The following LPP variants were observed in gnomAD, a reference collection of about 807,000 sequenced individuals.
The protein encoded by LPP is LIM domain containing preferred translocation partner in lipoma, also known as lipoma-preferred partner.
A neutral mutation model predicts 60.4 loss-of-function variants in LPP; 38 were observed. That is an observed-to-expected ratio of 0.63 (90% confidence interval 0.49 to 0.83). The LOEUF (loss-of-function observed/expected upper bound fraction) is 0.83, where lower values mean the gene tolerates loss of function less well. Among genes scored for constraint, LPP ranks in the 40% least tolerant of loss-of-function variants. LPP has a pLI of 0.00. For missense variants in LPP, 902 were observed against 783.6 expected, an observed-to-expected ratio of 1.15 and a Z score of -1.80; for synonymous variants, 328 against 290.8, an observed-to-expected ratio of 1.13 and a Z score of -1.30.
At chr3:188,420,053 T>C (rs551223453) in intron 4 of LPP, among the ~76,000 whole-genome samples, 186 of 152,188 alleles carry the variant, frequency 1.2e-3, no homozygotes, top group Admixed American at 4.2e-3. Flanking sequence ...AATATGAACA[T>C]TAGCTCTGAG....
Position 188,816,198 on chromosome 3 carries a change from C to CTTT in LPP, c.1411-49983_1411-49981dup, listed in dbSNP as rs34839724. Among the ~76,000 whole-genome samples, 730 of 103,932 alleles carry CTTT rather than the reference C, an allele frequency of 7.0e-3. 17 individuals carry two copies. The highest frequency in any genetic ancestry group is 0.024 in the East Asian group (82 of 3,440). The allele number at this position is 103,932 out of a possible 152,430, so 68.2% of individuals were successfully genotyped here. A position where few individuals can be genotyped will look rare whatever the true frequency, so the allele number is the denominator to read the frequency against. On this transcript the variant is annotated intron_variant, in intron 9 of 11. Transcript: ENST00000617246. ...AGCCTGAATTGTAAGGCTTCCTTCT[C>CTTT]TTTTTTTTTTTTTTTTTTTTTGAGA...
At chr3:188,654,566 A>G (rs550824053) in intron 7 of LPP, among the ~76,000 whole-genome samples, 1 of 152,250 alleles carries the variant, frequency 6.6e-6, no homozygotes, top group Admixed American at 6.5e-5. Context: ...GTACACACAT[A>G]TACTCCACAT....
At chr3:188,539,913 G>C (rs929825792) in intron 6 of LPP, among the ~76,000 whole-genome samples, 1 of 152,050 alleles carries the variant, frequency 6.6e-6, no homozygotes, top group African/African-American at 2.4e-5. Context: ...GGAGTTTTCT[G>C]TTTCCTCATA....
chr3:188,781,319 C>T (rs1739570962), intron 9 of LPP, among the ~76,000 whole-genome samples: 1 of 152,150 alleles, frequency 6.6e-6, no homozygotes, highest in Non-Finnish European at 1.5e-5. Flanking sequence ...TTCAGAGATG[C>T]TATGGACAGT....
chr3:188,174,400 T>C (rs908178196), intron 1 of LPP, among the ~76,000 whole-genome samples: 4 of 152,202 alleles, frequency 2.6e-5, no homozygotes, highest in East Asian at 1.9e-4. Flanking sequence ...AAAACAGTAG[T>C]GTAAAGACAT....
chr3:188,201,593 G>C (rs905044520), intron 1 of LPP, among the ~76,000 whole-genome samples: 1 of 152,148 alleles, frequency 6.6e-6, no homozygotes, highest in African/African-American at 2.4e-5. Context: ...TGTAATCCCA[G>C]CTATTTGGGA....
chr3:188,789,926 G>C (rs1743148161), intron 9 of LPP, among the ~76,000 whole-genome samples: 1 of 152,170 alleles, frequency 6.6e-6, no homozygotes, highest in South Asian at 2.1e-4. Flanking sequence ...ATTGGCAAAA[G>C]TATGGGAAGC....
At chr3:188,166,989 C>T (rs909804380) in intron 1 of LPP, among the ~76,000 whole-genome samples, 26 of 152,216 alleles carry the variant, frequency 1.7e-4, no homozygotes, top group Non-Finnish European at 3.5e-4. Flanking sequence ...ACGTGGTTAT[C>T]GCTGAGGGAT....
At chr3:188,732,110 A>G (rs1032895587) in intron 8 of LPP, among the ~76,000 whole-genome samples, 1 of 152,200 alleles carries the variant, frequency 6.6e-6, no homozygotes. Context: ...TACAGTAGAA[A>G]CTTTCATGGA....
chr3:188,242,176 T>A (rs1725175466), intron 2 of LPP, among the ~76,000 whole-genome samples: 1 of 152,200 alleles, frequency 6.6e-6, no homozygotes, highest in Non-Finnish European at 1.5e-5. Flanking sequence ...AATGCAGAGC[T>A]TTTAGACACT....
chr3:188,882,426 A>G lies in LPP; in HGVS notation c.*7947A>G, dbSNP rs1436737002. ...AGGCATAGAGGAAGCCTGAGGAAGT[A>G]TTTACTTGCTTTTCCCATCTCTTTA... On this transcript the variant is annotated 3_prime_UTR_variant, in exon 12 of 12. Coordinates refer to ENST00000617246, the MANE Select transcript of LPP (RefSeq NM_001375462.1). 1 of 226,820 alleles carries G rather than the reference A, an allele frequency of 4.4e-6. No homozygotes were observed. The highest frequency in any genetic ancestry group is 2.2e-5 in the African/African-American group (1 of 45,008). 14.1% of individuals were successfully genotyped at this position (226,820 alleles called of 1,614,324 possible). A position where few individuals can be genotyped will look rare whatever the true frequency, so the allele number is the denominator to read the frequency against.
intron 2 of LPP, among the ~76,000 whole-genome samples, chr3:188,304,023 C>T (rs935707157): frequency 6.6e-6 from 1 of 152,124 alleles, no homozygotes; most frequent in Non-Finnish European, 1.5e-5. Context: ...TACTTAACTG[C>T]CTGTCTTCAT....
chr3:188,686,649 G>C (rs1860797306), intron 7 of LPP, among the ~76,000 whole-genome samples: 1 of 152,174 alleles, frequency 6.6e-6, no homozygotes, highest in Admixed American at 6.5e-5. Context: ...TAGAGTCACT[G>C]TTATGCTTTA....
At chr3:188,341,830 G>A (rs1763138577) in intron 3 of LPP, 111 bp downstream of exon 3, 1 of 301,940 alleles carries the variant, frequency 3.3e-6, no homozygotes, top group Non-Finnish European at 4.9e-6. Context: ...AGTACTTTAT[G>A]AGGAAAAGAA....
At chr3:188,608,286 T>A (rs552798601) in intron 6 of LPP, among the ~76,000 whole-genome samples, 1 of 152,364 alleles carries the variant, frequency 6.6e-6, no homozygotes, top group East Asian at 1.9e-4. Flanking sequence ...TCCTCTATGT[T>A]ACTTCTTTTA....
intron 1 of LPP, among the ~76,000 whole-genome samples, chr3:188,168,227 T>TG (rs1210915494): frequency 6.6e-6 from 1 of 152,260 alleles, no homozygotes; most frequent in African/African-American, 2.4e-5. Flanking sequence ...AACCTCTTCA[T>TG]TTAACATGTG....
At chr3:188,868,048 TCAC>T (rs1194497122) in intron 10 of LPP, among the ~76,000 whole-genome samples, 2 of 152,234 alleles carry the variant, frequency 1.3e-5, no homozygotes, top group Admixed American at 6.5e-5. Flanking sequence ...AAGGAAGGAC[TCAC>T]TTTTAAAGGG....
At chr3:188,437,553 G>A (rs925898988) in intron 4 of LPP, among the ~76,000 whole-genome samples, 3 of 152,086 alleles carry the variant, frequency 2.0e-5, no homozygotes, top group African/African-American at 7.2e-5. Context: ...CATTTTCTCT[G>A]TACTCTTTTA....
At chr3:188,261,744 CAAA>C (rs10565919) in intron 2 of LPP, among the ~76,000 whole-genome samples, 226 of 146,636 alleles carry the variant, frequency 1.5e-3, no homozygotes, top group African/African-American at 5.4e-3. Context: ...CCTGTCTCTC[CAAA>C]AAAAAAAAAA....
Sources: allele counts gnomAD v4.1 joint callset (sites outside exome capture counted in the v4.1 genomes callset), GRCh38; gene constraint gnomAD v4.1.1; transcripts MANE v1.5; gene names NCBI Gene and HGNC (gene_info 2026-07-23, HGNC 2026-07-21).